Variants in ACAN observed in about 807,000 individuals in gnomAD.
ACAN encodes the protein aggrecan.
A neutral mutation model predicts 169.1 loss-of-function variants in ACAN; 47 were observed. That is an observed-to-expected ratio of 0.28 (90% CI 0.22 to 0.35). The LOEUF is 0.35. Among genes scored for constraint, ACAN ranks in the 10% least tolerant of loss-of-function variants. The pLI, the probability that ACAN is intolerant of heterozygous loss-of-function variation, is 1.00. For missense variants in ACAN, 2,716 were observed against 2,759.9 expected (o/e 0.98, Z 0.36); for synonymous variants, 1,115 against 1,112.2 (o/e 1.00, Z -0.05).
At chr15:88,863,577 T>G (rs1897237940) in intron 13 of ACAN, among the ~76,000 whole-genome samples, 1 of 152,250 alleles carries the variant, frequency 6.6e-6, no homozygotes, top group Non-Finnish European at 1.5e-5. Flanking sequence ...CAGTCATCAC[T>G]GGTGCTATGT....
chr15:88,813,882 CT>C (rs1467467120), intron 1 of ACAN, among the ~76,000 whole-genome samples: 5 of 152,232 alleles, frequency 3.3e-5, no homozygotes, highest in African/African-American at 1.2e-4. Context: ...GAATAATCTG[CT>C]TCTGTCCTCT....
At chr15:88,840,945 C>A (rs1025127942) in intron 4 of ACAN, among the ~76,000 whole-genome samples, 6 of 152,082 alleles carry the variant, frequency 3.9e-5, no homozygotes, top group Non-Finnish European at 7.4e-5. Flanking sequence ...GAGATCGAGA[C>A]CATCCTAGCT....
intron 1 of ACAN, among the ~76,000 whole-genome samples, chr15:88,826,207 T>C (rs1596121613): frequency 6.6e-6 from 1 of 152,118 alleles, no homozygotes; most frequent in Non-Finnish European, 1.5e-5. Context: ...TTTGAGCAGA[T>C]GATGATCATG....
In ACAN at chr15:88,807,700, C is replaced by T. The variant is rs901467447; in HGVS notation, c.-8+3891C>T. Among the ~76,000 whole-genome samples, 6 of 150,750 alleles carry T rather than the reference C, an allele frequency of 4.0e-5. No individual in the cohort carries two copies. The highest frequency in any genetic ancestry group is 1.3e-4 in the Admixed American group (2 of 15,128). On this transcript the variant is annotated intron_variant, in intron 1 of 18. Transcript: ENST00000560601. The surrounding 1 kb of genome is among the most constrained non-coding windows in gnomAD (Gnocchi z 4.0). Reference sequence around the variant, plus strand: ...GTTGAATCCAGGGCAAGAACGGAAACGGTGGAGTTTACTTTTAAAAACTCA... The same window carrying T: ...GTTGAATCCAGGGCAAGAACGGAAATGGTGGAGTTTACTTTTAAAAACTCA...
chr15:88,844,149 C>G (rs918277639), intron 6 of ACAN, among the ~76,000 whole-genome samples: 39 of 152,012 alleles, frequency 2.6e-4, no homozygotes, highest in African/African-American at 8.9e-4. Flanking sequence ...TTTTGTTTTT[C>G]TTTGAGACAG....
In ACAN at chr15:88,873,468, G is replaced by A. The variant is rs1304693027; in HGVS notation, c.7448-374G>A. ...GGACATTGAGGTGCTGGTAGGATGC[G>A]CCCCACTGCCCCTGCTCACCACCTT... On this transcript the variant is annotated intron_variant, in intron 17 of 18. Transcript: ENST00000560601. This position sits in a 1 kb window ranked among gnomAD's most constrained non-coding sequence, Gnocchi z 7.5. 1.3e-5 allele frequency among the ~76,000 whole-genome samples: 2 copies of A among 152,130 alleles called. No homozygotes were observed. Among genetic ancestry groups the A allele is most frequent in the African/African-American group, 2.4e-5 (1 of 41,404 alleles).
At chr15:88,864,502 T>C (rs1441212691) in intron 13 of ACAN, among the ~76,000 whole-genome samples, 1 of 152,150 alleles carries the variant, frequency 6.6e-6, no homozygotes, top group Non-Finnish European at 1.5e-5. Flanking sequence ...CCTGACCTTC[T>C]GATCCACCCG....
At chr15:88,835,968 G>A (rs2056683116) in intron 1 of ACAN, among the ~76,000 whole-genome samples, 1 of 152,210 alleles carries the variant, frequency 6.6e-6, no homozygotes, top group African/African-American at 2.4e-5. Flanking sequence ...AAAGATGGGA[G>A]GTTAGGTTTA....
intron 1 of ACAN, among the ~76,000 whole-genome samples, chr15:88,809,452 C>A (rs536820445): frequency 1.3e-5 from 2 of 152,316 alleles, no homozygotes; most frequent in South Asian, 4.1e-4. Flanking sequence ...CCGAAGGAGG[C>A]CTGTGGGGGT....
intron 1 of ACAN, among the ~76,000 whole-genome samples, chr15:88,829,243 A>G (rs1338693975): frequency 1.3e-5 from 2 of 152,256 alleles, no homozygotes; most frequent in Admixed American, 6.5e-5. Flanking sequence ...TCAAAAGAGT[A>G]TTGGCAGCTA....
intron 1 of ACAN, among the ~76,000 whole-genome samples, chr15:88,828,416 C>T (rs932709078): frequency 2.0e-5 from 3 of 152,038 alleles, no homozygotes; most frequent in African/African-American, 4.8e-5. Flanking sequence ...CTCCACTACC[C>T]GAGCCTTTTT....
chr15:88,857,856 G>T lies in ACAN; in HGVS notation c.5271G>T (p.Gly1757=), dbSNP rs1296833939. The part of the protein sequence containing the change: ...GETSGVTELS[G]LSSGQPGISG... ...CATCTGGAGTGACTGAGCTTAGCGGGCTGTCCTCTGGACAACCAGGTATTA... is the reference window on the plus strand; with the variant it reads ...CATCTGGAGTGACTGAGCTTAGCGGTCTGTCCTCTGGACAACCAGGTATTA... Residue 1757 remains glycine, a synonymous_variant, in exon 12 of 19, where the codon GGG becomes GGT. Coordinates refer to ENST00000560601, the MANE Select transcript of ACAN (RefSeq NM_001369268.1). 2 of 1,613,660 alleles carry T rather than the reference G, an allele frequency of 1.2e-6. No individual in the cohort carries two copies. Among genetic ancestry groups the T allele is most frequent in the Admixed American group, 3.3e-5 (2 of 60,004 alleles).
At chr15:88,864,187 C>G (rs1203263531) in intron 13 of ACAN, among the ~76,000 whole-genome samples, 2 of 151,612 alleles carry the variant, frequency 1.3e-5, no homozygotes, top group Non-Finnish European at 2.9e-5. Context: ...AAAAATAAAG[C>G]AAGATATTAA....
intron 13 of ACAN, among the ~76,000 whole-genome samples, chr15:88,865,343 C>T (rs1338953274): frequency 6.6e-6 from 1 of 152,246 alleles, no homozygotes; most frequent in African/African-American, 2.4e-5. Flanking sequence ...CTTCCAGTCT[C>T]ATTTCCTGAC....
In ACAN at chr15:88,845,861, G is replaced by T; in HGVS notation, c.1408G>T (p.Gly470Trp). ...DLVVQVTAVPGQPHLPGGVVF... is the reference protein window; with the variant it reads ...DLVVQVTAVPWQPHLPGGVVF... Reference sequence around the variant, plus strand: ...CGTCGTGCAGGTGACCGCTGTCCCTGGGCAGCCGCATTTGCCAGGGGGTAA... The same window carrying T: ...CGTCGTGCAGGTGACCGCTGTCCCTTGGCAGCCGCATTTGCCAGGGGGTAA... Residue 470 changes from glycine (G) to tryptophan (W), a missense_variant, in exon 7 of 19, where the codon GGG becomes TGG. By Grantham distance (184) the Gly-to-Trp change is radical. This residue lies in a region of ACAN where 1,283 missense variants were observed against 1,281.5 expected (regional missense o/e 1.00). Transcript: ENST00000560601. The T allele has an allele frequency of 6.9e-7, 1 of 1,458,076 alleles. No homozygotes were observed. The allele number at this position is 1,458,076 out of a possible 1,614,324, so 90.3% of individuals were successfully genotyped here.
chr15:88,846,996 A>AC (rs1896806725), intron 7 of ACAN, among the ~76,000 whole-genome samples: 1 of 152,218 alleles, frequency 6.6e-6, no homozygotes, highest in South Asian at 2.1e-4. Context: ...AAGTCTATGA[A>AC]CAAGGACATT....
At chr15:88,831,817 G>A (rs2141545262) in intron 1 of ACAN, among the ~76,000 whole-genome samples, 1 of 152,292 alleles carries the variant, frequency 6.6e-6, no homozygotes. Context: ...GGCTCCAGGG[G>A]GTAAAGAGAG....
At chr15:88,840,341 C>T (rs1205144519) in intron 4 of ACAN, among the ~76,000 whole-genome samples, 155 bp downstream of exon 4, 1 of 152,200 alleles carries the variant, frequency 6.6e-6, no homozygotes, top group Non-Finnish European at 1.5e-5. Context: ...CTTGGCCAAA[C>T]AGCAGCTCAA....
Position 88,810,224 on chromosome 15 carries a change from G to A in ACAN, c.-8+6415G>A, listed in dbSNP as rs1895786921. Among the ~76,000 whole-genome samples the A allele has an allele frequency of 2.0e-5, 3 of 152,202 alleles. No individual in the cohort carries two copies. In the South Asian group the frequency reaches 6.2e-4, roughly 32 times the overall value. ...CAGTAAAGGGAAGCGTCAGATCACAGCAATGCTGTGACATCCAATCAGAAC... is the reference window on the plus strand; with the variant it reads ...CAGTAAAGGGAAGCGTCAGATCACAACAATGCTGTGACATCCAATCAGAAC... On this transcript the variant is annotated intron_variant, in intron 1 of 18. Coordinates refer to ENST00000560601, the MANE Select transcript of ACAN (RefSeq NM_001369268.1).
Sources: gnomAD v4.1 joint callset for allele counts (sites outside exome capture counted in the v4.1 genomes callset) on GRCh38, gnomAD v4.1.1 for gene constraint, gnomAD v4.1.1 regional missense constraint, Gnocchi (gnomAD v3.1) non-coding constraint, MANE v1.5 for transcripts, NCBI Gene and HGNC (gene_info 2026-07-23, HGNC 2026-07-21) for gene names.